The following FADS1 variants were observed in gnomAD, a reference collection of about 807,000 sequenced individuals.
The protein encoded by FADS1 is acyl-CoA (8-3)-desaturase.
FADS1 carries 17 observed loss-of-function variants against 61.6 expected under a neutral mutation model. The observed-to-expected ratio is 0.28, with a 90% CI of 0.19 to 0.41. The LOEUF (loss-of-function observed/expected upper bound fraction) is 0.41. FADS1 is among the 10% of genes least tolerant of loss of function. The pLI is 1.00. For missense variants in FADS1, 387 were observed against 650.9 expected (o/e 0.59, Z 4.41); for synonymous variants, 238 against 258.7 (o/e 0.92, Z 0.77).
intron 5 of FADS1, among the ~76,000 whole-genome samples, chr11:61,807,360 G>A (rs989903926): frequency 5.9e-5 from 9 of 152,098 alleles, no homozygotes; most frequent in Non-Finnish European, 1.2e-4. Context: ...GAGGCAGTGC[G>A]CCCGGCCGCC....
In FADS1 at chr11:61,802,494, G is replaced by A. The variant is rs764441560; in HGVS notation, c.1455-32C>T. The A allele has an allele frequency of 1.0e-5, 16 of 1,552,840 alleles. No individual in the cohort carries two copies. The highest frequency in any genetic ancestry group is 9.7e-5 in the Admixed American group (5 of 51,540). ...GGACAAAATGGGGGCAGACAGTGAGGGAGACAAGCAGAGTTGAACCCACCG... is the reference window on the plus strand; with the variant it reads ...GGACAAAATGGGGGCAGACAGTGAGAGAGACAAGCAGAGTTGAACCCACCG... On this transcript the variant is annotated intron_variant, in intron 11 of 11. Coordinates refer to ENST00000350997, the MANE Select transcript of FADS1 (RefSeq NM_013402.7). This position sits in a 1 kb window ranked among gnomAD's most constrained non-coding sequence, Gnocchi z 4.2.
rs1019942257 is a variant in FADS1, at chr11:61,803,072, C to T, written c.1288G>A (p.Asp430Asn). Residue 430 changes from aspartate (D) to asparagine (N), a missense_variant, in exon 10 of 12, where the codon GAC becomes AAC. Coordinates refer to ENST00000350997, the MANE Select transcript of FADS1 (RefSeq NM_013402.7). The surrounding 1 kb of genome is among the most constrained non-coding windows in gnomAD (Gnocchi z 4.3). ...AAGTTGAGGTGTCCACTGAACCAGT[C>T]ATTGAAGGCAGACTTGTGGACATTG... ...TCNVHKSAFN[D>N]WFSGHLNFQI... is the part of the protein sequence containing the mutation. The T allele has an allele frequency of 6.2e-7, 1 of 1,614,026 alleles. No homozygotes were observed. Among genetic ancestry groups the T allele is most frequent in the African/African-American group, 1.3e-5 (1 of 74,916 alleles).
intron 2 of FADS1, among the ~76,000 whole-genome samples, chr11:61,813,020 A>G (rs1181847366): frequency 6.6e-6 from 1 of 152,218 alleles, no homozygotes; most frequent in Non-Finnish European, 1.5e-5. Flanking sequence ...CAATGATGGC[A>G]GCCATGGTAG....
rs548432248 is a variant in FADS1, at chr11:61,806,343, C to T, written c.976+321G>A. On this transcript the variant is annotated intron_variant, in intron 6 of 11. Coordinates refer to ENST00000350997, the MANE Select transcript of FADS1 (RefSeq NM_013402.7). ...CGGCCTGGGCGACAGAGCAAGACTC[C>T]GTCTCAAAAAAAAAAAAAAAAAGAT... The T allele has an allele frequency of 2.6e-5, 7 of 268,410 alleles. No homozygotes were observed. In the Admixed American group the frequency reaches 2.8e-4, roughly 11 times the overall value. 16.6% of individuals were successfully genotyped at this position (268,410 alleles called of 1,614,324 possible).
chr11:61,804,377 A>C (rs1425830202), intron 7 of FADS1: 1 of 347,476 alleles, frequency 2.9e-6, no homozygotes, highest in Non-Finnish European at 5.2e-6. Context: ...CTTCATCAGA[A>C]GTTTCCTTGA....
rs948139071 is a variant in FADS1, at chr11:61,815,455, G to T, written c.375+1100C>A. On this transcript the variant is annotated intron_variant, in intron 1 of 11. Transcript: ENST00000350997. This position sits in a 1 kb window ranked among gnomAD's most constrained non-coding sequence, Gnocchi z 6.4. ...TCTAAGCTCTGCTGCGACGTTATGG[G>T]AACCTGGTGACCCGCGGCACACTCT... is the stretch of plus-strand genomic sequence containing the variant. 2.0e-5 allele frequency: 3 copies of T among 152,354 alleles called. No homozygotes were observed. Among genetic ancestry groups the T allele is most frequent in the African/African-American group, 7.2e-5 (3 of 41,456 alleles). The allele number at this position is 152,354 out of a possible 1,614,324, so 9.4% of individuals were successfully genotyped here.
intron 5 of FADS1, among the ~76,000 whole-genome samples, chr11:61,806,948 C>T (rs972310908): frequency 2.0e-5 from 3 of 152,234 alleles, no homozygotes; most frequent in African/African-American, 7.2e-5. Context: ...CTGGATGGCC[C>T]ATGCTCACAT....
intron 4 of FADS1, 21 bp from the exon 5 acceptor site, chr11:61,810,900 G>C: frequency 6.2e-7 from 1 of 1,614,128 alleles, no homozygotes; most frequent in Non-Finnish European, 8.5e-7. Context: ...GCAGGGACAC[G>C]AGTATGAAAA....
At chr11:61,804,029 A>C (rs2066876646) in intron 7 of FADS1, 3 of 528,460 alleles carry the variant, frequency 5.7e-6, no homozygotes, top group Non-Finnish European at 1.0e-5. Flanking sequence ...CTTCCTAGCC[A>C]ATCTAAATCC....
At chr11:61,806,301 C>CACTGCAG (rs1238940533) in intron 6 of FADS1, 3 of 184,518 alleles carry the variant, frequency 1.6e-5, no homozygotes, top group African/African-American at 7.1e-5. Context: ...GAGATTGCGC[C>CACTGCAG]ACTGCAGTCC....
In FADS1 at chr11:61,816,832, G is replaced by T. The variant is rs1387581675; in HGVS notation, c.98C>A (p.Ser33Tyr). ...LALGARQQIH[S>Y]WSPRTPSTRL... The stretch of plus-strand genomic sequence containing the variant: ...CGTGCTCGGGGTCCGCGGGCTCCAG[G>T]AGTGGATTTGCTGGCGCGCGCCCAG... Residue 33 changes from serine (S) to tyrosine (Y), a missense_variant, in exon 1 of 12, where the codon TCC (serine) becomes TAC (tyrosine). Physicochemically the swap from Ser to Tyr is moderately radical, Grantham distance 144. Around this residue, in one of 2 missense-constraint regions of FADS1, gnomAD observed 130 missense variants for 117.7 expected, o/e 1.10. Transcript: ENST00000350997. The surrounding 1 kb of genome is among the most constrained non-coding windows in gnomAD (Gnocchi z 7.0). The T allele has an allele frequency of 3.3e-6, 5 of 1,492,816 alleles. No individual in the cohort carries two copies. Among genetic ancestry groups the T allele is most frequent in the Non-Finnish European group, 4.4e-6 (5 of 1,131,120 alleles). The allele number at this position is 1,492,816 out of a possible 1,614,324, so 92.5% of individuals were successfully genotyped here. A position where few individuals can be genotyped will look rare whatever the true frequency, so the allele number is the denominator to read the frequency against.
intron 5 of FADS1, among the ~76,000 whole-genome samples, chr11:61,810,092 C>A (rs975462712): frequency 1.3e-5 from 2 of 152,204 alleles, no homozygotes; most frequent in Non-Finnish European, 1.5e-5. Context: ...ATTCTGCTGG[C>A]CTTTTAGAAC....
In FADS1 at chr11:61,803,908, C is replaced by T. The variant is rs2066875718; in HGVS notation, c.1054-141G>A. On this transcript the variant is annotated intron_variant, in intron 7 of 11. Coordinates refer to ENST00000350997, the MANE Select transcript of FADS1 (RefSeq NM_013402.7). The surrounding 1 kb of genome is among the most constrained non-coding windows in gnomAD (Gnocchi z 4.3). ...TCAGCTTCTCAGGGGTCCAATCCTG[C>T]AGTATCTAGTGCCACTGCTCCTTTC... 1.5e-6 allele frequency: 1 copy of T among 669,662 alleles called. No homozygotes were observed. Among genetic ancestry groups the T allele is most frequent in the Non-Finnish European group, 2.7e-6 (1 of 374,250 alleles). 41.5% of individuals were successfully genotyped at this position (669,662 alleles called of 1,614,324 possible). A position where few individuals can be genotyped will look rare whatever the true frequency, so the allele number is the denominator to read the frequency against.
At position 61,804,674 on chromosome 11, in the gene FADS1, T is replaced by G. The variant is rs753625520; in HGVS notation, c.1053+11A>C. On this transcript the variant is annotated intron_variant, in intron 7 of 11. Transcript: ENST00000350997. ...ACAAGGATGTGGGCTTCTTGGGCCA[T>G]GGATACTCACCACCCACTTCTTTCG... The G allele has an allele frequency of 1.2e-6, 2 of 1,612,504 alleles. No homozygotes were observed. Among genetic ancestry groups the G allele is most frequent in the Non-Finnish European group, 1.7e-6 (2 of 1,178,576 alleles).
chr11:61,813,107 C>G, intron 2 of FADS1, 136 bp downstream of exon 2: 1 of 720,166 alleles, frequency 1.4e-6, no homozygotes, highest in Non-Finnish European at 2.5e-6. Context: ...GCAAGAGAAG[C>G]AGGGACCTCA....
Position 61,802,700 on chromosome 11 carries a change from T to G in FADS1, c.1454+101A>C. On this transcript the variant is annotated intron_variant, in intron 11 of 11. Coordinates refer to ENST00000350997, the MANE Select transcript of FADS1 (RefSeq NM_013402.7). This position sits in a 1 kb window ranked among gnomAD's most constrained non-coding sequence, Gnocchi z 4.2. ...CATGGTGAACTCCATCCCACACGAC[T>G]GGGAACACCTTCTGTTCACTCCCCA... 6.5e-7 allele frequency: 1 copy of G among 1,536,388 alleles called. No homozygotes were observed. Among genetic ancestry groups the G allele is most frequent in the Non-Finnish European group, 8.9e-7 (1 of 1,118,140 alleles).
chr11:61,812,520 G>A lies in FADS1; in HGVS notation c.635C>T (p.Thr212Met). The part of the protein sequence containing the change: ...AAWLTLWVFG[T>M]SFLPFLLCAV... ...ACAGAGGAGGAAGGGCAAAAAGGAC[G>A]TCCCAAAGACCCAAAGGGTGAGCCA... is the stretch of plus-strand genomic sequence containing the variant. The change falls in exon 3 of 12, where the codon ACG (threonine) becomes ATG (methionine). Residue 212 changes from threonine (T) to methionine (M), a missense_variant. By Grantham distance (81) the Thr-to-Met change is moderately conservative. Around this residue, in one of 2 missense-constraint regions of FADS1, gnomAD observed 257 missense variants for 533.3 expected, o/e 0.48. Transcript: ENST00000350997. 3.7e-6 allele frequency: 6 copies of A among 1,614,056 alleles called. No homozygotes were observed. The highest frequency in any genetic ancestry group is 4.2e-6 in the Non-Finnish European group (5 of 1,180,034).
chr11:61,799,762 A>G lies in FADS1; in HGVS notation c.*2649T>C, dbSNP rs1329010278. ...AGGTTGTAAAAAAGTGAAAGTAACA[A>G]AGATAAACATAGAAGTTGGAGTTGT... On this transcript the variant is annotated 3_prime_UTR_variant, in exon 12 of 12. Transcript: ENST00000350997. 1 of 152,570 alleles carries G rather than the reference A, an allele frequency of 6.6e-6. No homozygotes were observed. The highest frequency in any genetic ancestry group is 1.9e-4 in the East Asian group (1 of 5,340). The allele number at this position is 152,570 out of a possible 1,614,324, so 9.5% of individuals were successfully genotyped here.
In FADS1 at chr11:61,802,160, A is replaced by T; in HGVS notation, c.*251T>A. The T allele has an allele frequency of 2.0e-6, 1 of 506,090 alleles. No individual in the cohort carries two copies. The highest frequency in any genetic ancestry group is 3.6e-6 in the Non-Finnish European group (1 of 279,858). The allele number at this position is 506,090 out of a possible 1,614,324, so 31.3% of individuals were successfully genotyped here. ...CAACTACCTGCATGTGCCAAACTAG[A>T]AAAAGGAAATAATTTACACCCCTGC... On this transcript the variant is annotated 3_prime_UTR_variant, in exon 12 of 12. Transcript: ENST00000350997. This position sits in a 1 kb window ranked among gnomAD's most constrained non-coding sequence, Gnocchi z 4.2.
Sources: gnomAD v4.1 joint callset for allele counts (sites outside exome capture counted in the v4.1 genomes callset) on GRCh38, gnomAD v4.1.1 for gene constraint, gnomAD v4.1.1 regional missense constraint, Gnocchi (gnomAD v3.1) non-coding constraint, MANE v1.5 for transcripts, NCBI Gene and HGNC (gene_info 2026-07-23, HGNC 2026-07-21) for gene names.